The following NELL1 variants were observed in gnomAD, a reference collection of about 807,000 sequenced individuals.
The protein encoded by NELL1 is protein kinase C-binding protein NELL1.
A neutral mutation model predicts 107.4 loss-of-function variants in NELL1; 76 were observed. That is an observed-to-expected ratio of 0.71 (90% CI 0.59 to 0.86). NELL1 has a LOEUF of 0.86. Among genes scored for constraint, NELL1 ranks in the 40% least tolerant of loss-of-function variants. The pLI is 0.00. For missense variants in NELL1, 1,024 were observed against 1,005.5 expected, an observed-to-expected ratio of 1.02 and a Z score of -0.25; for synonymous variants, 353 against 341.2, an observed-to-expected ratio of 1.03 and a Z score of -0.38.
intron 2 of NELL1, among the ~76,000 whole-genome samples, chr11:20,694,453 G>T (rs953552072): frequency 6.6e-6 from 1 of 152,080 alleles, no homozygotes; most frequent in Non-Finnish European, 1.5e-5. Flanking sequence ...TATAGTGAGA[G>T]ACAGGAGTCT....
chr11:21,522,233 CAAA>C (rs34810194), intron 15 of NELL1, among the ~76,000 whole-genome samples: 1 of 128,506 alleles, frequency 7.8e-6, no homozygotes, highest in Non-Finnish European at 1.6e-5. Flanking sequence ...GACTCCGTCT[CAAA>C]AAAAAAAAAA....
At chr11:21,536,624 C>A (rs1474567113) in intron 16 of NELL1, among the ~76,000 whole-genome samples, 2 of 152,098 alleles carry the variant, frequency 1.3e-5, no homozygotes, top group African/African-American at 4.8e-5. Context: ...AGCGAATGGG[C>A]TTTTTTCTTC....
At chr11:20,891,323 G>A (rs570053871) in intron 5 of NELL1, among the ~76,000 whole-genome samples, 1 of 152,248 alleles carries the variant, frequency 6.6e-6, no homozygotes, top group South Asian at 2.1e-4. Context: ...GAGGGATTTT[G>A]TTACCACCAG....
At chr11:21,053,258 T>A (rs1359123765) in intron 12 of NELL1, among the ~76,000 whole-genome samples, 1 of 152,150 alleles carries the variant, frequency 6.6e-6, no homozygotes, top group Non-Finnish European at 1.5e-5. Flanking sequence ...CTCCTAATGC[T>A]ATCCCTCCCC....
At chr11:21,207,996 A>G (rs1032868450) in intron 13 of NELL1, among the ~76,000 whole-genome samples, 1 of 152,166 alleles carries the variant, frequency 6.6e-6, no homozygotes, top group African/African-American at 2.4e-5. Context: ...TAACATGTCC[A>G]TCATCTCATA....
In NELL1 at chr11:21,149,930, T is replaced by C. The variant is rs114041733; in HGVS notation, c.1426+36216T>C. Among the ~76,000 whole-genome samples, 1,464 of 152,196 alleles carry C rather than the reference T, an allele frequency of 9.6e-3. 21 individuals carry two copies. The highest frequency in any genetic ancestry group is 0.033 in the African/African-American group (1,380 of 41,518). On this transcript the variant is annotated intron_variant, in intron 13 of 19. Transcript: ENST00000357134. ...AAACAAAACAGAGTGAAGCTGTAAA[T>C]AACTAGGGTTAGGGAGGGACCATAT...
rs942942762 is a variant in NELL1 at position 21,478,129 on chromosome 11, T to G, written c.1646-56245T>G. Among the ~76,000 whole-genome samples the G allele has an allele frequency of 3.3e-5, 5 of 152,096 alleles. No individual in the cohort carries two copies. The East Asian group carries it at 9.7e-4, about 29-fold the overall frequency. On this transcript the variant is annotated intron_variant, in intron 15 of 19. Coordinates refer to ENST00000357134, the MANE Select transcript of NELL1 (RefSeq NM_006157.5). ...GGAAGGTGAAGGAAAAGCAAGCACT[T>G]TCTTCACAAGGTGGCAGGAGAAAGA...
At chr11:20,801,407 T>A (rs1196323004) in intron 3 of NELL1, among the ~76,000 whole-genome samples, 1 of 152,196 alleles carries the variant, frequency 6.6e-6, no homozygotes, top group Admixed American at 6.5e-5. Flanking sequence ...CTTTTGCCCA[T>A]TTTTAAATCA....
chr11:21,555,356 G>A (rs953321934), intron 16 of NELL1, among the ~76,000 whole-genome samples: 2 of 151,880 alleles, frequency 1.3e-5, no homozygotes, highest in African/African-American at 4.8e-5. Flanking sequence ...GTGGTTATGA[G>A]AGACTTCAAG....
At chr11:20,903,946 TA>T (rs1849935043) in intron 5 of NELL1, among the ~76,000 whole-genome samples, 1 of 152,184 alleles carries the variant, frequency 6.6e-6, no homozygotes, top group South Asian at 2.1e-4. Context: ...ATACCATTTA[TA>T]ACCCAGTGGC....
intron 14 of NELL1, among the ~76,000 whole-genome samples, chr11:21,285,833 T>A (rs1849103746): frequency 6.6e-6 from 1 of 152,270 alleles, no homozygotes; most frequent in Non-Finnish European, 1.5e-5. Flanking sequence ...AAATGTTTAC[T>A]GTCACTTTAT....
At chr11:20,784,768 A>C (rs1450909132) in intron 3 of NELL1, among the ~76,000 whole-genome samples, 1 of 152,128 alleles carries the variant, frequency 6.6e-6, no homozygotes, top group East Asian at 1.9e-4. Flanking sequence ...TGAAGCACCT[A>C]CTCTGTTCTA....
intron 16 of NELL1, among the ~76,000 whole-genome samples, chr11:21,538,820 T>C (rs1184230432): frequency 6.6e-6 from 1 of 152,158 alleles, no homozygotes; most frequent in Non-Finnish European, 1.5e-5. Flanking sequence ...AAAAATAAGA[T>C]TCAGACTCCT....
At chr11:20,684,772 C>T (rs191780426) in intron 2 of NELL1, among the ~76,000 whole-genome samples, 38 of 152,088 alleles carry the variant, frequency 2.5e-4, no homozygotes, top group African/African-American at 8.9e-4. Context: ...GTTAGATGGG[C>T]CCAGAGAAGT....
intron 3 of NELL1, among the ~76,000 whole-genome samples, chr11:20,845,590 A>C: frequency 6.6e-6 from 1 of 152,204 alleles, no homozygotes; most frequent in Non-Finnish European, 1.5e-5. Context: ...ATTTCTATAC[A>C]GGTGCTAAAT....
At chr11:21,552,455 T>C (rs1468909479) in intron 16 of NELL1, among the ~76,000 whole-genome samples, 1 of 151,640 alleles carries the variant, frequency 6.6e-6, no homozygotes, top group Non-Finnish European at 1.5e-5. Context: ...GAAACCAACT[T>C]AGTTTGGCTT....
chr11:20,700,636 A>C (rs1354339079), intron 2 of NELL1, among the ~76,000 whole-genome samples: 7 of 151,992 alleles, frequency 4.6e-5, no homozygotes, highest in East Asian at 1.9e-4. Flanking sequence ...TTAGGTATAT[A>C]TCCTAATGCT....
chr11:21,561,601 C>T (rs535745635), intron 17 of NELL1, among the ~76,000 whole-genome samples: 8 of 152,118 alleles, frequency 5.3e-5, no homozygotes, highest in East Asian at 1.9e-4. Context: ...ACTTGAACTC[C>T]ACTTGCTTGG....
chr11:21,545,862 G>C lies in NELL1; in HGVS notation c.1786+11348G>C, dbSNP rs1050241868. Reference sequence around the variant, plus strand: ...AGTCGCCTGGGAACTTGTTAGAAATGCAAATTCTGTACCACACTCTCTAGA... The same window carrying C: ...AGTCGCCTGGGAACTTGTTAGAAATCCAAATTCTGTACCACACTCTCTAGA... On this transcript the variant is annotated intron_variant, in intron 16 of 19. Transcript: ENST00000357134. Among the ~76,000 whole-genome samples, 26 of 152,034 alleles carry C rather than the reference G, an allele frequency of 1.7e-4. 1 individual carries two copies. Among genetic ancestry groups the C allele is most frequent in the Admixed American group, 1.6e-3 (25 of 15,246 alleles).
Sources: allele counts gnomAD v4.1 joint callset (sites outside exome capture counted in the v4.1 genomes callset), GRCh38; gene constraint gnomAD v4.1.1; transcripts MANE v1.5; gene names NCBI Gene and HGNC (gene_info 2026-07-23, HGNC 2026-07-21).